The following DHX36 variants were observed in gnomAD, a reference collection of about 807,000 sequenced individuals.
DHX36 encodes DEAH-box helicase 36.
Under a neutral mutation model 139.0 loss-of-function variants are expected in DHX36, and 50 were observed. The ratio of observed to expected loss-of-function variants is 0.36; its 90% confidence interval spans 0.29 to 0.46. DHX36 has a LOEUF of 0.46. DHX36 is among the 20% of genes least tolerant of loss of function. DHX36 has a pLI of 1.00. For synonymous variants in DHX36, 425 were observed against 401.9 expected (o/e 1.06, Z -0.69); for missense variants, 1,024 against 1,211.3 (o/e 0.85, Z 2.29).
chr3:154,295,339 T>C lies in DHX36; in HGVS notation c.1550A>G (p.Asp517Gly). Reference protein sequence around the residue: ...LLMSQVMFKSDKFLIIPLHSL... With the variant: ...LLMSQVMFKSGKFLIIPLHSL... ...ATGTAAAGGTATAATTAAAAATTTA[T>C]CTGAAAATTAAAGAGAATTAAATTT... The change falls in exon 13 of 25, where the codon GAT becomes GGT. Residue 517 changes from aspartate (D) to glycine (G), a missense_variant and splice_region_variant. Transcript: ENST00000496811. 2 of 1,490,904 alleles carry C rather than the reference T, an allele frequency of 1.3e-6. No individual in the cohort carries two copies. The highest frequency in any genetic ancestry group is 1.8e-6 in the Non-Finnish European group (2 of 1,091,866). 92.4% of individuals were successfully genotyped at this position (1,490,904 alleles called of 1,614,324 possible). A position where few individuals can be genotyped will look rare whatever the true frequency, so the allele number is the denominator to read the frequency against.
At chr3:154,297,718 A>T (rs1397357113) in intron 12 of DHX36, among the ~76,000 whole-genome samples, 1 of 152,216 alleles carries the variant, frequency 6.6e-6, no homozygotes, top group East Asian at 1.9e-4. Context: ...TCAAAAAAAA[A>T]AAAAAAGTCT....
chr3:154,280,455 A>C (rs995638315), intron 22 of DHX36, 124 bp downstream of exon 22: 1 of 692,986 alleles, frequency 1.4e-6, no homozygotes, highest in Non-Finnish European at 2.4e-6. Context: ...AATGATTAAA[A>C]GAACAAGAAT....
chr3:154,299,376 A>G (rs1039639301), intron 12 of DHX36, among the ~76,000 whole-genome samples: 1 of 80,402 alleles, frequency 1.2e-5, no homozygotes, highest in Non-Finnish European at 3.5e-5. Context: ...AATTTTATAG[A>G]AAAAAAGGTT....
chr3:154,295,248 T>A, intron 13 of DHX36, 36 bp downstream of exon 13: 1 of 1,364,674 alleles, frequency 7.3e-7, no homozygotes, highest in Non-Finnish European at 1.0e-6. Context: ...TGCCTCAGTT[T>A]GAAATACATT....
rs760194903 is a variant in DHX36 at position 154,316,157 on chromosome 3, C to T, written c.250G>A (p.Val84Ile). ...TCTCGTCGTTCATCCATGTGTACTA[C>T]AGCTCTCTAGTTTGTGCAAAGAAAA... ...NKEAERQERA[V>I]VHMDERREEQ... The change falls in exon 2 of 25, where the codon GTA (valine) becomes ATA (isoleucine). Residue 84 changes from valine (V) to isoleucine (I), a missense_variant. Val to Ile is a conservative substitution (Grantham distance 29). Coordinates refer to ENST00000496811, the MANE Select transcript of DHX36 (RefSeq NM_020865.3). The T allele has an allele frequency of 1.9e-6, 3 of 1,612,796 alleles. No homozygotes were observed. The highest frequency in any genetic ancestry group is 2.5e-6 in the Non-Finnish European group (3 of 1,179,334).
intron 14 of DHX36, 116 bp downstream of exon 14, chr3:154,293,627 GGTTTT>G (rs1487290904): frequency 1.3e-5 from 9 of 689,158 alleles, no homozygotes; most frequent in Non-Finnish European, 1.9e-5. Context: ...CCATAAAAAA[GGTTTT>G]ATTTTTAATA....
rs1713189585 is a variant in DHX36, at chr3:154,321,647, A to G, written c.243+2527T>C. On this transcript the variant is annotated intron_variant, in intron 1 of 24. Transcript: ENST00000496811. ...TATTTGTTGAAAGAACATTTGTTCAAGAATGCATCATTAGAATGCATTCAT... is the reference window on the plus strand; with the variant it reads ...TATTTGTTGAAAGAACATTTGTTCAGGAATGCATCATTAGAATGCATTCAT... Among the ~76,000 whole-genome samples, 5 of 152,238 alleles carry G rather than the reference A, an allele frequency of 3.3e-5. No individual in the cohort carries two copies. The South Asian group carries it at 1.0e-3, about 32-fold the overall frequency.
intron 14 of DHX36, 118 bp from the exon 15 acceptor site, chr3:154,292,812 AT>A (rs569137281): frequency 0.025 from 32,478 of 1,283,768 alleles, 321 homozygotes; most frequent in Non-Finnish European, 0.028. Flanking sequence ...ATTTCAGAGC[AT>A]TTTTTTTTTA....
In DHX36 at chr3:154,276,045, C is replaced by CT; in HGVS notation, c.*125dup. On this transcript the variant is annotated 3_prime_UTR_variant, in exon 25 of 25. Coordinates refer to ENST00000496811, the MANE Select transcript of DHX36 (RefSeq NM_020865.3). ...GTCATGCACATTAAGTCTTTACTAC[C>CT]TACTGAAGGCTTCTACCTTACACAT... 1.4e-6 allele frequency: 1 copy of CT among 701,238 alleles called. No individual in the cohort carries two copies. The highest frequency in any genetic ancestry group is 2.1e-5 in the South Asian group (1 of 46,698). The allele number at this position is 701,238 out of a possible 1,614,324, so 43.4% of individuals were successfully genotyped here. A position where few individuals can be genotyped will look rare whatever the true frequency, so the allele number is the denominator to read the frequency against.
At chr3:154,306,447 G>A in intron 5 of DHX36, 152 bp from the exon 6 acceptor site, 1 of 635,308 alleles carries the variant, frequency 1.6e-6, no homozygotes, top group Admixed American at 2.8e-5. Flanking sequence ...ATCTAAAACA[G>A]TGTGTGCCTC....
In DHX36 at chr3:154,282,993, T is replaced by C. The variant is rs570478825; in HGVS notation, c.2376+195A>G. Reference sequence around the variant, plus strand: ...ACCCTACTGTGCCTTGCTCTTATCCTCTGGAACCATGTTTCTTTTCCTTGT... The same window carrying C: ...ACCCTACTGTGCCTTGCTCTTATCCCCTGGAACCATGTTTCTTTTCCTTGT... On this transcript the variant is annotated intron_variant, in intron 20 of 24. Coordinates refer to ENST00000496811, the MANE Select transcript of DHX36 (RefSeq NM_020865.3). 3.9e-5 allele frequency among the ~76,000 whole-genome samples: 6 copies of C among 152,304 alleles called. No individual in the cohort carries two copies. The South Asian group carries it at 1.0e-3, about 26-fold the overall frequency.
rs79278337 is a variant in DHX36, at chr3:154,288,065, T to C, written c.2031+801A>G. 3.5e-3 allele frequency among the ~76,000 whole-genome samples: 505 copies of C among 145,240 alleles called. 1 individual carries two copies. The highest frequency in any genetic ancestry group is 0.012 in the African/African-American group (483 of 39,066). The stretch of plus-strand genomic sequence containing the variant: ...ACCCAACTTGATCATACATGTACCT[T>C]ATAACCCAGGACGTGGAGGTTGCAG... On this transcript the variant is annotated intron_variant, in intron 17 of 24. Transcript: ENST00000496811.
intron 5 of DHX36, among the ~76,000 whole-genome samples, chr3:154,308,179 G>T (rs1712582137): frequency 6.6e-6 from 1 of 152,094 alleles, no homozygotes; most frequent in South Asian, 2.1e-4. Flanking sequence ...CACAACCTAT[G>T]CATGTAACAA....
chr3:154,314,980 C>T, intron 3 of DHX36, 66 bp downstream of exon 3: 1 of 1,105,950 alleles, frequency 9.0e-7, no homozygotes, highest in Non-Finnish European at 1.3e-6. Context: ...TACCTCTAAC[C>T]ATACATACAT....
At chr3:154,300,823 G>T in intron 10 of DHX36, 127 bp from the exon 11 acceptor site, 1 of 1,215,254 alleles carries the variant, frequency 8.2e-7, no homozygotes, top group Non-Finnish European at 1.2e-6. Flanking sequence ...AGAATTACTG[G>T]GGTAATTACT....
At position 154,315,359 on chromosome 3, in the gene DHX36, G is replaced by C. The variant is rs192383030; in HGVS notation, c.369-79C>G. 7.8e-4 allele frequency: 768 copies of C among 979,104 alleles called. 1 individual carries two copies. The African/African-American group carries it at 0.011, about 14-fold the overall frequency. The allele number at this position is 979,104 out of a possible 1,614,324, so 60.7% of individuals were successfully genotyped here. On this transcript the variant is annotated intron_variant, in intron 2 of 24. Transcript: ENST00000496811. ...GGAACAAAACAAAACAAAACAATACGCTGTTGAAATATTTCAAAGTCATCC... is the reference window on the plus strand; with the variant it reads ...GGAACAAAACAAAACAAAACAATACCCTGTTGAAATATTTCAAAGTCATCC...
At chr3:154,322,725 C>G (rs1414517383) in intron 1 of DHX36, among the ~76,000 whole-genome samples, 4 of 152,180 alleles carry the variant, frequency 2.6e-5, no homozygotes, top group Admixed American at 1.3e-4. Flanking sequence ...AACTTTTCAT[C>G]TGTTTAGGTA....
intron 20 of DHX36, among the ~76,000 whole-genome samples, 177 bp downstream of exon 20, chr3:154,283,011 T>C (rs1719377480): frequency 6.6e-6 from 1 of 152,192 alleles, no homozygotes. Context: ...CATGTTTCTT[T>C]TCCTTGTTTT....
rs1248700936 is a variant in DHX36 at position 154,314,986 on chromosome 3, T to C, written c.603+60A>G. 14 of 1,194,934 alleles carry C rather than the reference T, an allele frequency of 1.2e-5. No homozygotes were observed. In the East Asian group the frequency reaches 1.7e-4, roughly 15 times the overall value. 74.0% of individuals were successfully genotyped at this position (1,194,934 alleles called of 1,614,324 possible). On this transcript the variant is annotated intron_variant, in intron 3 of 24. Transcript: ENST00000496811. ...CCATGCAGCTACCTCTAACCATACA[T>C]ACATTTTTATAAAGTGTAAGAAAAA...
Sources: allele counts gnomAD v4.1 joint callset (sites outside exome capture counted in the v4.1 genomes callset), GRCh38; gene constraint gnomAD v4.1.1; transcripts MANE v1.5; gene names NCBI Gene and HGNC (gene_info 2026-07-23, HGNC 2026-07-21).